The following CACNA1A variants were observed in gnomAD, a reference collection of about 807,000 sequenced individuals.
The protein encoded by CACNA1A is voltage-dependent P/Q-type calcium channel subunit alpha-1A.
In CACNA1A, 57 loss-of-function variants were observed where a neutral mutation model predicts 262.4. That is an observed-to-expected ratio of 0.22 (90% CI 0.18 to 0.27). The LOEUF (loss-of-function observed/expected upper bound fraction) is 0.27, where lower values mean the gene tolerates loss of function less well. Among genes scored for constraint, CACNA1A ranks in the 10% least tolerant of loss-of-function variants. CACNA1A has a pLI of 1.00. For synonymous variants in CACNA1A, 1,431 were observed against 1,419.3 expected, an observed-to-expected ratio of 1.01 and a Z score of -0.18; for missense variants, 2,526 against 3,562.8, an observed-to-expected ratio of 0.71 and a Z score of 7.41.
intron 14 of CACNA1A, 36 bp from the exon 15 acceptor site, chr19:13,307,890 AC>A (rs1388378632): frequency 6.3e-7 from 1 of 1,589,102 alleles, no homozygotes; most frequent in African/African-American, 1.3e-5. Flanking sequence ...CGTTGGCCCC[AC>A]CCGGGGTGCT....
At chr19:13,304,663 A>T (rs2057861725) in intron 15 of CACNA1A, among the ~76,000 whole-genome samples, 1 of 113,040 alleles carries the variant, frequency 8.8e-6, no homozygotes, top group African/African-American at 3.0e-5. Context: ...TTGTCTCAAA[A>T]AAAAAAAAAA....
chr19:13,503,347 C>G (rs1005124937), intron 1 of CACNA1A, among the ~76,000 whole-genome samples: 2 of 151,976 alleles, frequency 1.3e-5, no homozygotes, highest in Admixed American at 1.3e-4. Flanking sequence ...GTGCTGGATA[C>G]GTGGGTGTGT....
At chr19:13,240,872 A>G (rs1347934781) in intron 31 of CACNA1A, among the ~76,000 whole-genome samples, 1 of 152,246 alleles carries the variant, frequency 6.6e-6, no homozygotes, top group Non-Finnish European at 1.5e-5. Flanking sequence ...TCAAGGCTCC[A>G]GGAGAGGGCC....
At position 13,212,653 on chromosome 19, in the gene CACNA1A, G is replaced by C; in HGVS notation, c.6028C>G (p.Gln2010Glu). The change falls in exon 41 of 47, where the codon CAG becomes GAG. Residue 2010 changes from glutamine (Q) to glutamate (E), a missense_variant. Gln to Glu is a conservative substitution (Grantham distance 29, BLOSUM62 2). This residue lies in a region of CACNA1A where 929 missense variants were observed against 868.1 expected (regional missense o/e 1.07). Coordinates refer to ENST00000360228, the MANE Select transcript of CACNA1A (RefSeq NM_001127222.2). This position sits in a 1 kb window ranked among gnomAD's most constrained non-coding sequence, Gnocchi z 5.6. ...GPGQNALPSTQLDPGGALMAH... is the reference protein window; with the variant it reads ...GPGQNALPSTELDPGGALMAH... ...CACAGGGCTCCTCCTGGGTCCAGCT[G>C]GGTGGAGGGGAGGGCGTTCTGGCCA... 6.6e-7 allele frequency: 1 copy of C among 1,515,460 alleles called. No individual in the cohort carries two copies. The highest frequency in any genetic ancestry group is 2.3e-5 in the East Asian group (1 of 43,374). The allele number at this position is 1,515,460 out of a possible 1,614,324, so 93.9% of individuals were successfully genotyped here. A position where few individuals can be genotyped will look rare whatever the true frequency, so the allele number is the denominator to read the frequency against.
rs1256696713 is a variant in CACNA1A at position 13,241,957 on chromosome 19, C to T, written c.4950+3225G>A. Among the ~76,000 whole-genome samples the T allele has an allele frequency of 5.9e-5, 9 of 152,226 alleles. No homozygotes were observed. Among genetic ancestry groups the T allele is most frequent in the African/African-American group, 9.6e-5 (4 of 41,540 alleles). On this transcript the variant is annotated intron_variant, in intron 31 of 46. Transcript: ENST00000360228. This position sits in a 1 kb window ranked among gnomAD's most constrained non-coding sequence, Gnocchi z 4.0. ...GCCCCCTAAACCCCAGGGACCTGCC[C>T]GCCCAAGCATCTGGCATTTCCTGTC...
intron 31 of CACNA1A, among the ~76,000 whole-genome samples, chr19:13,239,202 T>C (rs868621075): frequency 7.3e-5 from 11 of 150,844 alleles, no homozygotes; most frequent in South Asian, 6.3e-4. Context: ...CAGCCCCGGG[T>C]CCTGTCCCCT....
intron 10 of CACNA1A, among the ~76,000 whole-genome samples, chr19:13,328,586 A>G (rs934146665): frequency 1.1e-4 from 16 of 152,188 alleles, no homozygotes; most frequent in African/African-American, 3.9e-4. Flanking sequence ...AAAGCTGTTA[A>G]TATCTTTGAT....
At chr19:13,474,255 A>T (rs764958099) in intron 1 of CACNA1A, among the ~76,000 whole-genome samples, 3 of 152,148 alleles carry the variant, frequency 2.0e-5, no homozygotes, top group Non-Finnish European at 4.4e-5. Context: ...ATGAAGACAG[A>T]TTTACAGTAG....
At chr19:13,299,742 AG>A (rs2057749888) in intron 18 of CACNA1A, among the ~76,000 whole-genome samples, 1 of 151,992 alleles carries the variant, frequency 6.6e-6, no homozygotes, top group Non-Finnish European at 1.5e-5. Flanking sequence ...GCCCTTCCCC[AG>A]GCCCCCCAGT....
chr19:13,255,614 C>G (rs1035661253), intron 28 of CACNA1A, among the ~76,000 whole-genome samples: 2 of 152,038 alleles, frequency 1.3e-5, no homozygotes, highest in Non-Finnish European at 2.9e-5. Flanking sequence ...ACACAGCTAC[C>G]GAGTGTGCCA....
In CACNA1A at chr19:13,298,558, C is replaced by T. The variant is rs1327191177; in HGVS notation, c.3075G>A (p.Arg1025=). The T allele has an allele frequency of 6.5e-7, 1 of 1,543,526 alleles. No homozygotes were observed. The highest frequency in any genetic ancestry group is 1.2e-5 in the South Asian group (1 of 83,804). Residue 1025 remains arginine, a synonymous_variant, in exon 19 of 47, where the codon AGG becomes AGA. Coordinates refer to ENST00000360228, the MANE Select transcript of CACNA1A (RefSeq NM_001127222.2). ...CCTCCACTTACTTCCTCCTCCGATG[C>T]CTCCGCTCCTTGTCCTCCCTCCGCG... is the stretch of plus-strand genomic sequence containing the variant. ...GDARREDKER[R]HRRRKENQGS...
chr19:13,386,256 G>C (rs943458475), intron 3 of CACNA1A, among the ~76,000 whole-genome samples: 2 of 152,054 alleles, frequency 1.3e-5, no homozygotes, highest in African/African-American at 4.8e-5. Flanking sequence ...CCATCAAAGA[G>C]GCAGAAAATG....
At chr19:13,453,390 A>C (rs1371807008) in intron 2 of CACNA1A, among the ~76,000 whole-genome samples, 1 of 152,258 alleles carries the variant, frequency 6.6e-6, no homozygotes, top group Non-Finnish European at 1.5e-5. Flanking sequence ...CACTGGCTAC[A>C]TTTCAAGTGA....
rs1171531380 is a variant in CACNA1A at position 13,259,942 on chromosome 19, G to C, written c.4251-241C>G. 5 of 484,134 alleles carry C rather than the reference G, an allele frequency of 1.0e-5. No individual in the cohort carries two copies. In the Admixed American group the frequency reaches 1.3e-4, roughly 13 times the overall value. 30.0% of individuals were successfully genotyped at this position (484,134 alleles called of 1,614,324 possible). On this transcript the variant is annotated intron_variant, in intron 26 of 46. Transcript: ENST00000360228. ...CAACCTTACTCCTGGTGGGAGAGCT[G>C]ACCCAGGGTCCAGCACCCTCTTCCA...
At chr19:13,283,514 A>C in intron 21 of CACNA1A, 118 bp from the exon 22 acceptor site, 1 of 1,333,718 alleles carries the variant, frequency 7.5e-7, no homozygotes, top group Non-Finnish European at 1.0e-6. Context: ...AAGGCCTCCT[A>C]CACAACAAAC....
chr19:13,312,429 A>T (rs1367723309), intron 12 of CACNA1A, among the ~76,000 whole-genome samples: 1 of 152,186 alleles, frequency 6.6e-6, no homozygotes, highest in Admixed American at 6.5e-5. Context: ...AACTTGTCTT[A>T]TGTCCCCCAC....
chr19:13,383,509 C>T (rs1382405232), intron 3 of CACNA1A, among the ~76,000 whole-genome samples: 2 of 152,188 alleles, frequency 1.3e-5, no homozygotes, highest in Admixed American at 6.5e-5. Flanking sequence ...TAAAGTCTAC[C>T]ATGACCACAT....
At position 13,207,566 on chromosome 19, in the gene CACNA1A, C is replaced by A; in HGVS notation, c.7268G>T (p.Ser2423Ile). The change falls in exon 47 of 47, where the codon AGC (serine) becomes ATC (isoleucine). Residue 2423 changes from serine (S) to isoleucine (I), a missense_variant. Transcript: ENST00000360228. The surrounding 1 kb of genome is among the most constrained non-coding windows in gnomAD (Gnocchi z 5.7). ...GGCCATGGCCTCCTCGCCGCCCCCG[C>A]TGCCCGGGCCATCGGCCTCGTCGTA... ...SDYDEADGPG[S>I]GGGEEAMAGA... 1.4e-6 allele frequency: 2 copies of A among 1,469,570 alleles called. No homozygotes were observed. Among genetic ancestry groups the A allele is most frequent in the Non-Finnish European group, 1.8e-6 (2 of 1,110,054 alleles). 91.0% of individuals were successfully genotyped at this position (1,469,570 alleles called of 1,614,324 possible).
At chr19:13,374,835 C>A (rs1482043385) in intron 3 of CACNA1A, among the ~76,000 whole-genome samples, 1 of 151,766 alleles carries the variant, frequency 6.6e-6, no homozygotes, top group Non-Finnish European at 1.5e-5. Context: ...TATAAGCAGG[C>A]TTTGTTTTGT....
Sources: gnomAD v4.1 joint callset for allele counts (sites outside exome capture counted in the v4.1 genomes callset) on GRCh38, gnomAD v4.1.1 for gene constraint, gnomAD v4.1.1 regional missense constraint, Gnocchi (gnomAD v3.1) non-coding constraint, MANE v1.5 for transcripts, NCBI Gene and HGNC (gene_info 2026-07-23, HGNC 2026-07-21) for gene names.